Variants in COL23A1 observed in about 807,000 individuals in gnomAD.
COL23A1 encodes the protein collagen alpha-1(XXIII) chain.
COL23A1 carries 97 observed loss-of-function variants against 99.3 expected under a neutral mutation model. That is an observed-to-expected ratio of 0.98 (90% CI 0.83 to 1.16). The LOEUF is 1.16. COL23A1 is among the 50% of genes most tolerant of loss of function. COL23A1 has a pLI of 0.00. For missense variants in COL23A1, 762 were observed against 757.4 expected (o/e 1.01, Z -0.07); for synonymous variants, 320 against 308.2 (o/e 1.04, Z -0.40).
At chr5:178,393,245 AC>A (rs1229244864) in intron 2 of COL23A1, among the ~76,000 whole-genome samples, 2 of 152,180 alleles carry the variant, frequency 1.3e-5, no homozygotes, top group Non-Finnish European at 2.9e-5. Flanking sequence ...GCACGGATGG[AC>A]CTTGAGGATG....
chr5:178,291,112 C>T (rs1225092753), intron 3 of COL23A1, among the ~76,000 whole-genome samples: 3 of 152,282 alleles, frequency 2.0e-5, no homozygotes, highest in Middle Eastern at 3.4e-3. Flanking sequence ...GTGGAGTGAG[C>T]GCATGCTGGA....
chr5:178,265,707 T>C, intron 8 of COL23A1: 12 of 985,886 alleles, frequency 1.2e-5, no homozygotes, highest in Non-Finnish European at 1.4e-5. Context: ...AAAGCCCGGA[T>C]TGAGCCGTGG....
chr5:178,452,508 A>C (rs1351920023), intron 2 of COL23A1, among the ~76,000 whole-genome samples: 2 of 152,220 alleles, frequency 1.3e-5, no homozygotes, highest in African/African-American at 4.8e-5. Context: ...AAAATTAAGA[A>C]CATGTGTATC....
chr5:178,330,749 C>T (rs1759973866), intron 2 of COL23A1, among the ~76,000 whole-genome samples: 1 of 152,198 alleles, frequency 6.6e-6, no homozygotes, highest in Non-Finnish European at 1.5e-5. Context: ...ATTTCAGGTC[C>T]CTCTACCCAG....
intron 2 of COL23A1, among the ~76,000 whole-genome samples, chr5:178,455,167 A>G (rs1023976752): frequency 2.0e-5 from 3 of 152,134 alleles, no homozygotes; most frequent in Non-Finnish European, 4.4e-5. Context: ...ATTCAGAGGA[A>G]CTCCTGCAAT....
At chr5:178,501,316 C>T (rs557688234) in intron 2 of COL23A1, among the ~76,000 whole-genome samples, 81 of 152,338 alleles carry the variant, frequency 5.3e-4, no homozygotes, top group African/African-American at 1.9e-3. Context: ...GGCACAGTGG[C>T]TCACGCCTGT....
chr5:178,491,078 G>C (rs532158922), intron 2 of COL23A1, among the ~76,000 whole-genome samples: 1 of 151,414 alleles, frequency 6.6e-6, no homozygotes, highest in South Asian at 2.1e-4. Context: ...AGGAAAGAAG[G>C]AGAAGAGAGA....
rs1424440468 is a variant in COL23A1 at position 178,589,268 on chromosome 5, C to T, written c.294+636G>A. On this transcript the variant is annotated intron_variant, in intron 1 of 28. Transcript: ENST00000390654. This position sits in a 1 kb window ranked among gnomAD's most constrained non-coding sequence, Gnocchi z 5.4. The stretch of plus-strand genomic sequence containing the variant: ...CACCCCAGATGGCACCGCCTGAAAC[C>T]AGAATCCAGGTCCTCCACCCCCGAT... 6.6e-6 allele frequency among the ~76,000 whole-genome samples: 1 copy of T among 152,162 alleles called. No homozygotes were observed. Among genetic ancestry groups the T allele is most frequent in the African/African-American group, 2.4e-5 (1 of 41,430 alleles).
intron 2 of COL23A1, among the ~76,000 whole-genome samples, chr5:178,534,369 C>T (rs748986607): frequency 2.6e-5 from 4 of 152,190 alleles, no homozygotes; most frequent in African/African-American, 7.2e-5. Flanking sequence ...CCAACACCCC[C>T]GCCTTCACGG....
intron 2 of COL23A1, among the ~76,000 whole-genome samples, chr5:178,446,168 A>G (rs1767151175): frequency 6.6e-6 from 1 of 152,082 alleles, no homozygotes; most frequent in African/African-American, 2.4e-5. Flanking sequence ...TAAAATGTGC[A>G]AAGATGTAGC....
intron 2 of COL23A1, among the ~76,000 whole-genome samples, chr5:178,339,935 A>AAT (rs1232794619): frequency 6.6e-6 from 1 of 152,214 alleles, no homozygotes; most frequent in Non-Finnish European, 1.5e-5. Flanking sequence ...CTTATGCAAG[A>AAT]ATAAAAATCC....
chr5:178,346,859 C>T (rs1483727589), intron 2 of COL23A1, among the ~76,000 whole-genome samples: 3 of 152,246 alleles, frequency 2.0e-5, no homozygotes, highest in Admixed American at 6.5e-5. Flanking sequence ...ACCAGCCTCA[C>T]ACTGGGCTGA....
In COL23A1 at chr5:178,428,304, G is replaced by A. The variant is rs1766061437; in HGVS notation, c.362-121385C>T. Among the ~76,000 whole-genome samples, 1 of 152,230 alleles carries A rather than the reference G, an allele frequency of 6.6e-6. No homozygotes were observed. Among genetic ancestry groups the A allele is most frequent in the South Asian group, 2.1e-4 (1 of 4,834 alleles). ...ATCTCTCCAGCCAAGAAGGTGCCCT[G>A]GGCAGTCCCCGAGGCTGGCCATCCC... On this transcript the variant is annotated intron_variant, in intron 2 of 28. Coordinates refer to ENST00000390654, the MANE Select transcript of COL23A1 (RefSeq NM_173465.4). This position sits in a 1 kb window ranked among gnomAD's most constrained non-coding sequence, Gnocchi z 5.0.
At chr5:178,559,881 G>A (rs939316813) in intron 2 of COL23A1, among the ~76,000 whole-genome samples, 5 of 150,114 alleles carry the variant, frequency 3.3e-5, no homozygotes, top group African/African-American at 9.8e-5. Flanking sequence ...TTCCCTGCAC[G>A]TCGAGAAGTC....
chr5:178,319,762 C>T (rs918857078), intron 2 of COL23A1, among the ~76,000 whole-genome samples: 2 of 152,192 alleles, frequency 1.3e-5, no homozygotes, highest in African/African-American at 2.4e-5. Flanking sequence ...CTGGGTTGAC[C>T]GACTGTCACG....
In COL23A1 at chr5:178,503,781, T is replaced by C. The variant is rs554049721; in HGVS notation, c.361+56901A>G. Among the ~76,000 whole-genome samples the C allele has an allele frequency of 1.3e-3, 205 of 152,212 alleles. 5 individuals are homozygous for C. Among genetic ancestry groups the C allele is most frequent in the Admixed American group, 0.013 (202 of 15,292 alleles). ...ACCTTTGCAACTTTTCTGCAAATTC[T>C]GTGAATTTGAAATTATTTTAAATAA... On this transcript the variant is annotated intron_variant, in intron 2 of 28. Transcript: ENST00000390654.
At chr5:178,446,346 C>A in intron 2 of COL23A1, among the ~76,000 whole-genome samples, 1 of 150,738 alleles carries the variant, frequency 6.6e-6, no homozygotes, top group Non-Finnish European at 1.5e-5. Context: ...AAGAAATAAA[C>A]AGAAAAAGGA....
At position 178,308,861 on chromosome 5, in the gene COL23A1, C is replaced by T. The variant is rs1758509338; in HGVS notation, c.362-1942G>A. Among the ~76,000 whole-genome samples, 2 of 152,046 alleles carry T rather than the reference C, an allele frequency of 1.3e-5. No individual in the cohort carries two copies. Among genetic ancestry groups the T allele is most frequent in the Admixed American group, 6.6e-5 (1 of 15,264 alleles). ...CTTTCCTCCTCTCTGGGCCTGTTTT[C>T]AATGAGAGCGAGGTACGGGAACGGG... is the stretch of plus-strand genomic sequence containing the variant. On this transcript the variant is annotated intron_variant, in intron 2 of 28. Transcript: ENST00000390654. This position sits in a 1 kb window ranked among gnomAD's most constrained non-coding sequence, Gnocchi z 5.1.
intron 19 of COL23A1, among the ~76,000 whole-genome samples, 195 bp from the exon 20 acceptor site, chr5:178,248,449 A>T (rs1465876900): frequency 6.6e-6 from 1 of 152,178 alleles, no homozygotes; most frequent in East Asian, 1.9e-4. Context: ...TAGAAAGCAC[A>T]CGAGCAGCCG....
Sources: gnomAD v4.1 joint callset for allele counts (sites outside exome capture counted in the v4.1 genomes callset) on GRCh38, gnomAD v4.1.1 for gene constraint, Gnocchi (gnomAD v3.1) non-coding constraint, MANE v1.5 for transcripts, NCBI Gene and HGNC (gene_info 2026-07-23, HGNC 2026-07-21) for gene names.